HAAO: variants seen among roughly 807,000 people sequenced by gnomAD.
The protein encoded by HAAO is 3-hydroxyanthranilate oxygenase.
Under a neutral mutation model 46.2 loss-of-function variants are expected in HAAO, and 49 were observed. That is an observed-to-expected ratio of 1.06 (90% CI 0.84 to 1.34). HAAO has a LOEUF of 1.34. Among genes scored for constraint, HAAO ranks in the 40% most tolerant of loss-of-function variants. The pLI, the probability that HAAO is intolerant of heterozygous loss-of-function variation, is 0.00. For synonymous variants in HAAO, 157 were observed against 145.2 expected (o/e 1.08, Z -0.58); for missense variants, 408 against 364.5 (o/e 1.12, Z -0.97).
chr2:42,780,670 T>TCTTTTTTA (rs1218429732), intron 4 of HAAO, among the ~76,000 whole-genome samples: 1 of 152,076 alleles, frequency 6.6e-6, no homozygotes, highest in Non-Finnish European at 1.5e-5. Flanking sequence ...ACTAAAGTAA[T>TCTTTTTTA]CTTTTTTACT....
At chr2:42,785,977 C>G (rs552552795) in intron 2 of HAAO, among the ~76,000 whole-genome samples, 1 of 150,650 alleles carries the variant, frequency 6.6e-6, no homozygotes, top group African/African-American at 2.4e-5. Flanking sequence ...AGTATGCTCT[C>G]CTCCCCCACT....
intron 3 of HAAO, 39 bp downstream of exon 3, chr2:42,783,745 C>T (rs200578461): frequency 3.5e-5 from 54 of 1,555,012 alleles, no homozygotes; most frequent in East Asian, 2.1e-4. Flanking sequence ...CAGCTGTGGC[C>T]GCCTTTCTCT....
At chr2:42,769,121 T>C (rs904752379) in intron 7 of HAAO, among the ~76,000 whole-genome samples, 4 of 152,278 alleles carry the variant, frequency 2.6e-5, no homozygotes, top group African/African-American at 4.8e-5. Context: ...ATAGCTTTTC[T>C]ATCTGATACT....
At chr2:42,768,353 A>AGCC (rs1363602270) in intron 7 of HAAO, among the ~76,000 whole-genome samples, 1 of 152,222 alleles carries the variant, frequency 6.6e-6, no homozygotes, top group Non-Finnish European at 1.5e-5. Context: ...GACATGCACC[A>AGCC]GCCTGGAAGC....
At chr2:42,783,116 A>G in intron 4 of HAAO, 198 bp downstream of exon 4, 1 of 590,182 alleles carries the variant, frequency 1.7e-6, no homozygotes, top group Non-Finnish European at 3.0e-6. Flanking sequence ...CAGAGAACAG[A>G]ATCCACCCCA....
chr2:42,769,606 AG>A, intron 7 of HAAO, 106 bp downstream of exon 7: 1 of 660,760 alleles, frequency 1.5e-6, no homozygotes, highest in Non-Finnish European at 2.4e-6. Flanking sequence ...TGTGTGTGTG[AG>A]TGTGTGTGTG....
intron 4 of HAAO, among the ~76,000 whole-genome samples, chr2:42,778,185 G>A (rs919954428): frequency 6.6e-6 from 1 of 151,498 alleles, no homozygotes; most frequent in African/African-American, 2.4e-5. Flanking sequence ...TTAAGTTTTC[G>A]GTTGCTTAGG....
chr2:42,769,948 A>G, intron 6 of HAAO, 90 bp from the exon 7 acceptor site: 1 of 1,398,648 alleles, frequency 7.1e-7, no homozygotes, highest in South Asian at 1.3e-5. Context: ...CCAGGTCTCA[A>G]TTGCCAGAAC....
chr2:42,780,089 C>T (rs1671872687), intron 4 of HAAO, among the ~76,000 whole-genome samples: 1 of 152,150 alleles, frequency 6.6e-6, no homozygotes, highest in South Asian at 2.1e-4. Context: ...TCCTTGCCAA[C>T]TGCGTCTTTG....
At chr2:42,792,420 C>A (rs1672872277) in intron 1 of HAAO, 37 bp downstream of exon 1, 1 of 1,206,732 alleles carries the variant, frequency 8.3e-7, no homozygotes, top group South Asian at 1.5e-5. Flanking sequence ...GGGGAGGAGG[C>A]GAGGGCAGGG....
rs1670763072 is a variant in HAAO, at chr2:42,767,631, G to A, written c.746C>T (p.Ala249Val). 4 of 1,571,822 alleles carry A rather than the reference G, an allele frequency of 2.5e-6. No homozygotes were observed. Among genetic ancestry groups the A allele is most frequent in the Admixed American group, 1.9e-5 (1 of 53,102 alleles). ...VTMGGRRLSL[A>V]PDDSLLVLAG... Reference sequence around the variant, plus strand: ...TAGCACCAGGAGGCTGTCATCAGGGGCCAGGCTCAGGCGCCGTCCCCCCAT... The same window carrying A: ...TAGCACCAGGAGGCTGTCATCAGGGACCAGGCTCAGGCGCCGTCCCCCCAT... Residue 249 changes from alanine to valine, a missense_variant, in exon 9 of 10, where the codon GCC (alanine) becomes GTC (valine). Transcript: ENST00000294973.
Position 42,792,437 on chromosome 2 carries a change from C to T in HAAO, c.80+20G>A, listed in dbSNP as rs1489165766. On this transcript the variant is annotated intron_variant, in intron 1 of 9. Transcript: ENST00000294973. ...GGAGGAGGCGAGGGCAGGGGGCGGC[C>T]ATGGGGGTGCTGGACTCACATGAGC... The T allele has an allele frequency of 6.8e-7, 1 of 1,476,350 alleles. No individual in the cohort carries two copies. The highest frequency in any genetic ancestry group is 9.2e-7 in the Non-Finnish European group (1 of 1,085,620). The allele number at this position is 1,476,350 out of a possible 1,614,324, so 91.5% of individuals were successfully genotyped here.
At position 42,769,808 on chromosome 2, in the gene HAAO, C is replaced by T. The variant is rs767770795; in HGVS notation, c.535G>A (p.Glu179Lys). Residue 179 changes from glutamate to lysine, a missense_variant, in exon 7 of 10, where the codon GAG becomes AAG. Coordinates refer to ENST00000294973, the MANE Select transcript of HAAO (RefSeq NM_012205.3). ...PFPLSTRSIM[E>K]PMSLDAWLDS... is the part of the protein sequence containing the mutation. ...AGCCAGGCATCCAGGGACATGGGCT[C>T]CATGATGGATCGTGTGCTCAGAGGG... is the stretch of plus-strand genomic sequence containing the variant. 1.2e-6 allele frequency: 2 copies of T among 1,613,944 alleles called. No homozygotes were observed. The highest frequency in any genetic ancestry group is 1.7e-5 in the Admixed American group (1 of 59,982).
intron 4 of HAAO, among the ~76,000 whole-genome samples, chr2:42,780,396 T>C (rs2104657233): frequency 2.0e-5 from 3 of 151,908 alleles, no homozygotes. Flanking sequence ...TTAGTAGAGA[T>C]GGGGTTTCAA....
At chr2:42,778,632 C>G (rs1671766182) in intron 4 of HAAO, among the ~76,000 whole-genome samples, 1 of 152,008 alleles carries the variant, frequency 6.6e-6, no homozygotes, top group Non-Finnish European at 1.5e-5. Context: ...CTGACCAAGT[C>G]CTGCTAAACT....
At chr2:42,768,218 A>G (rs1430574631) in intron 7 of HAAO, among the ~76,000 whole-genome samples, 3 of 152,092 alleles carry the variant, frequency 2.0e-5, no homozygotes, top group Non-Finnish European at 4.4e-5. Flanking sequence ...CATGCTCACC[A>G]GGGCACATGA....
intron 4 of HAAO, among the ~76,000 whole-genome samples, chr2:42,777,318 A>G (rs1558665895): frequency 6.6e-6 from 1 of 150,708 alleles, no homozygotes; most frequent in Non-Finnish European, 1.5e-5. Context: ...AAAAAAAAAA[A>G]AAAAAGAAGA....
intron 1 of HAAO, among the ~76,000 whole-genome samples, chr2:42,791,254 C>T (rs1340425590): frequency 3.3e-5 from 5 of 151,990 alleles, no homozygotes; most frequent in African/African-American, 7.3e-5. Flanking sequence ...TGGAGGTGGG[C>T]GTGGTACAGC....
intron 4 of HAAO, among the ~76,000 whole-genome samples, chr2:42,781,941 C>T (rs1016496825): frequency 5.9e-5 from 9 of 152,000 alleles, no homozygotes; most frequent in African/African-American, 2.2e-4. Flanking sequence ...TAAAGCAAAT[C>T]AGTCTTACCA....
Sources: allele counts gnomAD v4.1 joint callset (sites outside exome capture counted in the v4.1 genomes callset), GRCh38; gene constraint gnomAD v4.1.1; transcripts MANE v1.5; gene names NCBI Gene and HGNC (gene_info 2026-07-23, HGNC 2026-07-21).